The following HPS4 variants were observed in gnomAD, a reference collection of about 807,000 sequenced individuals.
HPS4 encodes the protein HPS4 biogenesis of lysosomal organelles complex 3 subunit 2.
Under a neutral mutation model 70.3 loss-of-function variants are expected in HPS4, and 44 were observed. The observed-to-expected ratio is 0.63, with a 90% CI of 0.49 to 0.80. The LOEUF is 0.80. HPS4 is among the 30% of genes least tolerant of loss of function. The pLI is 0.00. For synonymous variants in HPS4, 377 were observed against 355.9 expected (o/e 1.06, Z -0.67); for missense variants, 873 against 884.4 (o/e 0.99, Z 0.16).
Position 26,466,260 on chromosome 22 carries a change from T to C in HPS4, c.672A>G (p.Arg224=). The change falls in exon 9 of 14, where the codon AGA becomes AGG. Residue 224 remains arginine, a splice_region_variant and synonymous_variant. Transcript: ENST00000398145. ...GCGGGGCATCCTCTCCCGTAGGGAGTCTCTGAAAACAAACACACACAGAAG... is the reference window on the plus strand; with the variant it reads ...GCGGGGCATCCTCTCCCGTAGGGAGCCTCTGAAAACAAACACACACAGAAG... ...LLHRTAPQEQ[R]LPTGEDAPQE... 1 of 1,613,836 alleles carries C rather than the reference T, an allele frequency of 6.2e-7. No homozygotes were observed. The highest frequency in any genetic ancestry group is 8.5e-7 in the Non-Finnish European group (1 of 1,179,946).
At chr22:26,479,597 C>A (rs912916942) in intron 2 of HPS4, 2 of 1,342,158 alleles carry the variant, frequency 1.5e-6, no homozygotes, top group Admixed American at 3.5e-5. Context: ...GGAGAAGACA[C>A]GAGTAGCTAG....
chr22:26,445,214 G>A (rs1365546826), intron 3 of HPS4, among the ~76,000 whole-genome samples: 1 of 152,148 alleles, frequency 6.6e-6, no homozygotes, highest in African/African-American at 2.4e-5. Context: ...CACACCTGTA[G>A]TCCCAGCTAT....
chr22:26,464,616 G>A lies in HPS4; in HGVS notation c.1014C>T (p.Pro338=), dbSNP rs188300485. The change falls in exon 11 of 14, where the codon CCC becomes CCT. Residue 338 remains proline (P), a synonymous_variant. Coordinates refer to ENST00000398145, the MANE Select transcript of HPS4 (RefSeq NM_022081.6). ...LSGHDLESIR[P]AGLHNSARGE... The stretch of plus-strand genomic sequence containing the variant: ...CCCTGGCAGAGTTGTGCAGTCCTGC[G>A]GGCCTGATGCTCTCCAGATCATGGC... The A allele has an allele frequency of 7.7e-5, 124 of 1,614,170 alleles. No homozygotes were observed. Among genetic ancestry groups the A allele is most frequent in the Admixed American group, 1.2e-4 (7 of 60,030 alleles).
At chr22:26,478,208 C>T (rs1006476728) in intron 3 of HPS4, among the ~76,000 whole-genome samples, 9 of 151,312 alleles carry the variant, frequency 5.9e-5, no homozygotes, top group South Asian at 4.2e-4. Context: ...GGTGAGATGA[C>T]GCAACATCTA....
chr22:26,466,218 C>T lies in HPS4; in HGVS notation c.706+8G>A, dbSNP rs3747131. The T allele has an allele frequency of 1.9e-6, 3 of 1,614,064 alleles. No homozygotes were observed. Among genetic ancestry groups the T allele is most frequent in the East Asian group, 4.5e-5 (2 of 44,900 alleles). ...TCTCAAGAGGCAACCATGCGCCTCA[C>T]TACTTACCATGTTCCTGCGGGGCAT... On this transcript the variant is annotated splice_region_variant and intron_variant, in intron 9 of 13. Coordinates refer to ENST00000398145, the MANE Select transcript of HPS4 (RefSeq NM_022081.6).
In HPS4 at chr22:26,458,571, T is replaced by C; in HGVS notation, c.1720A>G (p.Ser574Gly). Residue 574 changes from serine (S) to glycine (G), a missense_variant, in exon 12 of 14, where the codon AGC (serine) becomes GGC (glycine). Transcript: ENST00000398145. ...DSAAIEEVYH[S>G]SLASLNGLEV... The stretch of plus-strand genomic sequence containing the variant: ...AGCCCATTCAGTGAAGCCAGGCTGC[T>C]GTGGTACTGCAAAGGGGGAGAGGGT... 1 of 1,614,062 alleles carries C rather than the reference T, an allele frequency of 6.2e-7. No homozygotes were observed. The highest frequency in any genetic ancestry group is 1.6e-4 in the Middle Eastern group (1 of 6,062).
In HPS4 at chr22:26,468,607, G is replaced by T; in HGVS notation, c.613C>A (p.Leu205Ile). ...ACCTTGGCGGTGAGGGAGGGCGGGA[G>T]TTGGGTGCTGACAATCCTAGGAGGT... is the stretch of plus-strand genomic sequence containing the variant. ...LYKGLIVSTQ[L>I]PPSLTAKVLL... The change falls in exon 8 of 14, where the codon CTC (leucine) becomes ATC (isoleucine). Residue 205 changes from leucine (L) to isoleucine (I), a missense_variant. Coordinates refer to ENST00000398145, the MANE Select transcript of HPS4 (RefSeq NM_022081.6). The T allele has an allele frequency of 6.2e-7, 1 of 1,613,712 alleles. No individual in the cohort carries two copies. Among genetic ancestry groups the T allele is most frequent in the Non-Finnish European group, 8.5e-7 (1 of 1,179,640 alleles).
rs780251218 is a variant in HPS4 at position 26,451,992 on chromosome 22, GCGCGCGCGCGCGCACA to G, written c.*1225_*1240del. ...AGAGGGATGCGCCCACGTTACGCGC[GCGCGCGCGCGCGCACA>G]CACACACACACACACACACACACAC... On this transcript the variant is annotated 3_prime_UTR_variant, in exon 14 of 14. Coordinates refer to ENST00000398145, the MANE Select transcript of HPS4 (RefSeq NM_022081.6). The G allele has an allele frequency of 0.033, 696 of 20,972 alleles. 4 individuals are homozygous for G. The highest frequency in any genetic ancestry group is 0.14 in the Middle Eastern group (10 of 74). The allele number at this position is 20,972 out of a possible 1,614,324, so 1.3% of individuals were successfully genotyped here.
chr22:26,457,606 T>C (rs775729476), intron 13 of HPS4, among the ~76,000 whole-genome samples: 1 of 152,222 alleles, frequency 6.6e-6, no homozygotes, highest in Non-Finnish European at 1.5e-5. Flanking sequence ...AGCTCCATGA[T>C]GGTGAGGACC....
Position 26,457,997 on chromosome 22 carries a change from A to G in HPS4, c.1847-30T>C, listed in dbSNP as rs368794951. ...CAGAAGAGGACACAGAGTTGTGAAG[A>G]GCAGACAGTTACCTTCTGCCCTCCC... On this transcript the variant is annotated intron_variant, in intron 12 of 13. Coordinates refer to ENST00000398145, the MANE Select transcript of HPS4 (RefSeq NM_022081.6). 761 of 1,560,762 alleles carry G rather than the reference A, an allele frequency of 4.9e-4. 6 individuals are homozygous for G. The highest frequency in any genetic ancestry group is 2.0e-3 in the South Asian group (179 of 89,588).
Position 26,466,258 on chromosome 22 carries a change from A to T in HPS4, c.674T>A (p.Leu225His), listed in dbSNP as rs746415096. 2 of 1,614,168 alleles carry T rather than the reference A, an allele frequency of 1.2e-6. No individual in the cohort carries two copies. Among genetic ancestry groups the T allele is most frequent in the Non-Finnish European group, 1.7e-6 (2 of 1,180,006 alleles). Residue 225 changes from leucine to histidine, a missense_variant, in exon 9 of 14, where the codon CTC becomes CAC. By Grantham distance (99) the Leu-to-His change is moderately conservative. Transcript: ENST00000398145. ...LHRTAPQEQR[L>H]PTGEDAPQEH... is the part of the protein sequence containing the mutation. ...CTGCGGGGCATCCTCTCCCGTAGGG[A>T]GTCTCTGAAAACAAACACACACAGA...
rs369719765 is a variant in HPS4 at position 26,470,822 on chromosome 22, G to A, written c.502-9C>T. On this transcript the variant is annotated splice_polypyrimidine_tract_variant and intron_variant, in intron 6 of 13. Coordinates refer to ENST00000398145, the MANE Select transcript of HPS4 (RefSeq NM_022081.6). ...AACAACAGGGGCTCCACCTGTGCAGGGCAAGAGGCATCATGCCCACCCATC... is the reference window on the plus strand; with the variant it reads ...AACAACAGGGGCTCCACCTGTGCAGAGCAAGAGGCATCATGCCCACCCATC... The A allele has an allele frequency of 3.9e-5, 63 of 1,614,014 alleles. No individual in the cohort carries two copies. The highest frequency in any genetic ancestry group is 5.2e-5 in the Non-Finnish European group (61 of 1,180,016).
intron 6 of HPS4, among the ~76,000 whole-genome samples, chr22:26,471,953 A>G (rs2089877451): frequency 6.6e-6 from 1 of 152,230 alleles, no homozygotes; most frequent in South Asian, 2.1e-4. Flanking sequence ...GATGCTGAGA[A>G]TAACTAGATC....
Position 26,464,616 on chromosome 22 carries a change from G to C in HPS4, c.1014C>G (p.Pro338=). The change falls in exon 11 of 14, where the codon CCC becomes CCG. Residue 338 remains proline, a synonymous_variant. Transcript: ENST00000398145. ...CCCTGGCAGAGTTGTGCAGTCCTGC[G>C]GGCCTGATGCTCTCCAGATCATGGC... The part of the protein sequence containing the change: ...LSGHDLESIR[P]AGLHNSARGE... The C allele has an allele frequency of 6.2e-7, 1 of 1,614,172 alleles. No individual in the cohort carries two copies. The highest frequency in any genetic ancestry group is 8.5e-7 in the Non-Finnish European group (1 of 1,180,028).
intron 4 of HPS4, chr22:26,476,243 T>C (rs182467308): frequency 6.6e-6 from 1 of 152,198 alleles, no homozygotes; most frequent in African/African-American, 2.4e-5. Flanking sequence ...GAATATAGCA[T>C]CCCACACTTA....
chr22:26,470,688 G>A (rs2089648901), intron 7 of HPS4, 31 bp downstream of exon 7: 1 of 1,603,298 alleles, frequency 6.2e-7, no homozygotes, highest in African/African-American at 1.3e-5. Flanking sequence ...AAGGGAATGG[G>A]GCTGGAAGAA....
intron 4 of HPS4, chr22:26,476,651 G>T: frequency 4.2e-6 from 1 of 235,722 alleles, no homozygotes; most frequent in Non-Finnish European, 8.4e-6. Context: ...TTTTTTCTGG[G>T]TCACTTACCC....
At chr22:26,450,046 C>T (rs576506546), downstream of HPS4, among the ~76,000 whole-genome samples, 2 of 152,302 alleles carry the variant, frequency 1.3e-5, no homozygotes, top group South Asian at 2.1e-4. Context: ...GCCTTCTCCA[C>T]GTGAGTAACC....
intron 1 of HPS4, among the ~76,000 whole-genome samples, chr22:26,483,198 T>C (rs1251244258): frequency 1.3e-5 from 2 of 152,210 alleles, no homozygotes; most frequent in Non-Finnish European, 2.9e-5. Context: ...GGGGTATCTC[T>C]GTTACTGGAA....
Sources: gnomAD v4.1 joint callset for allele counts (sites outside exome capture counted in the v4.1 genomes callset) on GRCh38, gnomAD v4.1.1 for gene constraint, MANE v1.5 for transcripts, NCBI Gene and HGNC (gene_info 2026-07-23, HGNC 2026-07-21) for gene names.